MTMR14: variants seen among roughly 807,000 people sequenced by gnomAD.
The protein encoded by MTMR14 is phosphatidylinositol-3,5-bisphosphate 3-phosphatase MTMR14.
MTMR14 carries 48 observed loss-of-function variants against 86.3 expected under a neutral mutation model. The observed-to-expected ratio is 0.56, with a 90% CI of 0.44 to 0.71. MTMR14 has a LOEUF of 0.71. Among genes scored for constraint, MTMR14 ranks in the 30% least tolerant of loss-of-function variants. MTMR14 has a pLI of 0.00. For missense variants in MTMR14, 780 were observed against 834.6 expected (o/e 0.93, Z 0.81); for synonymous variants, 366 against 326.1 (o/e 1.12, Z -1.32).
chr3:9,664,547 C>A (rs2048141636), intron 3 of MTMR14, among the ~76,000 whole-genome samples: 1 of 152,008 alleles, frequency 6.6e-6, no homozygotes, highest in Non-Finnish European at 1.5e-5. Context: ...TACATGTATG[C>A]AATGGAGTAC....
intron 7 of MTMR14, among the ~76,000 whole-genome samples, chr3:9,673,265 A>G (rs916276487): frequency 2.6e-5 from 4 of 152,240 alleles, no homozygotes; most frequent in African/African-American, 4.8e-5. Context: ...AGAAGAACAC[A>G]TAATTGCTAT....
chr3:9,661,798 T>C (rs1469191896), intron 2 of MTMR14, among the ~76,000 whole-genome samples: 1 of 152,142 alleles, frequency 6.6e-6, no homozygotes, highest in Non-Finnish European at 1.5e-5. Context: ...ACTTTTTTTT[T>C]TTCCTGAAAA....
At chr3:9,656,919 G>GT (rs60620155) in intron 2 of MTMR14, among the ~76,000 whole-genome samples, 3,858 of 151,944 alleles carry the variant, frequency 0.025, 155 homozygotes, top group African/African-American at 0.086. Context: ...ATCAAGGTGG[G>GT]TTTTTTTGTT....
At chr3:9,680,792 G>C (rs968414099) in intron 9 of MTMR14, among the ~76,000 whole-genome samples, 9 of 152,222 alleles carry the variant, frequency 5.9e-5, no homozygotes, top group Non-Finnish European at 1.0e-4. Context: ...AGCTGAGATC[G>C]CGCCACTACA....
In MTMR14 at chr3:9,701,702, G is replaced by T. The variant is rs1176254729; in HGVS notation, c.1770-88G>T. ...CCTTGTACAGTCAGAAGAAGCACAA[G>T]GACAGGTGGTATGGAGGGAGGGAGG... On this transcript the variant is annotated intron_variant, in intron 18 of 18. Coordinates refer to ENST00000296003, the MANE Select transcript of MTMR14 (RefSeq NM_001077525.3). The surrounding 1 kb of genome is among the most constrained non-coding windows in gnomAD (Gnocchi z 4.2). The T allele has an allele frequency of 1.4e-5, 20 of 1,386,658 alleles. No homozygotes were observed. The South Asian group carries it at 2.3e-4, about 16-fold the overall frequency. 85.9% of individuals were successfully genotyped at this position (1,386,658 alleles called of 1,614,324 possible).
At chr3:9,653,985 C>G in intron 2 of MTMR14, 1 of 599,920 alleles carries the variant, frequency 1.7e-6, no homozygotes, top group Non-Finnish European at 3.0e-6. Context: ...ATTGCTGTTT[C>G]ACTTCCACCC....
chr3:9,697,667 A>G (rs1559621762), intron 17 of MTMR14, 44 bp from the exon 18 acceptor site: 1 of 1,603,244 alleles, frequency 6.2e-7, no homozygotes, highest in Admixed American at 1.7e-5. Context: ...TGTCAGGCAT[A>G]TGACTGACTG....
Position 9,698,310 on chromosome 3 carries a change from T to G in MTMR14, c.1769+444T>G, listed in dbSNP as rs935285328. On this transcript the variant is annotated intron_variant, in intron 18 of 18. Transcript: ENST00000296003. Reference sequence around the variant, plus strand: ...GGTTACTTGCTGTCTCTACCCGCCTTGTCTTCTGTTTTTGCCTCTGGGCAG... The same window carrying G: ...GGTTACTTGCTGTCTCTACCCGCCTGGTCTTCTGTTTTTGCCTCTGGGCAG... 2.6e-5 allele frequency among the ~76,000 whole-genome samples: 4 copies of G among 152,252 alleles called. No homozygotes were observed. The South Asian group carries it at 6.2e-4, about 24-fold the overall frequency.
At position 9,701,809 on chromosome 3, in the gene MTMR14, C is replaced by G. The variant is rs929541502; in HGVS notation, c.1789C>G (p.Arg597Gly). Residue 597 changes from arginine (R) to glycine (G), a missense_variant, in exon 19 of 19, where the codon CGA (arginine) becomes GGA (glycine). By Grantham distance (125) the Arg-to-Gly change is moderately radical. Transcript: ENST00000296003. The surrounding 1 kb of genome is among the most constrained non-coding windows in gnomAD (Gnocchi z 4.2). ...NSCLLAALSD[R>G]ETRLQEVRSA... is the part of the protein sequence containing the mutation. ...CCATAGGCTTGCAGCCCTGAGTGAT[C>G]GAGAGACTCGGCTGCAGGAGGTGCG... 2 of 1,613,838 alleles carry G rather than the reference C, an allele frequency of 1.2e-6. No homozygotes were observed. The highest frequency in any genetic ancestry group is 1.7e-5 in the Admixed American group (1 of 60,028).
chr3:9,662,242 C>T (rs773785538), intron 2 of MTMR14, 25 bp from the exon 3 acceptor site: 27 of 1,603,092 alleles, frequency 1.7e-5, no homozygotes, highest in Non-Finnish European at 2.3e-5. Context: ...GTCAGCTTGA[C>T]CTGCTTCTCT....
chr3:9,689,894 T>C, intron 16 of MTMR14, 70 bp from the exon 17 acceptor site: 1 of 1,474,318 alleles, frequency 6.8e-7, no homozygotes, highest in Middle Eastern at 2.4e-4. Flanking sequence ...GGCCTGAAAT[T>C]CAGTGAGGGT....
intron 3 of MTMR14, 65 bp from the exon 4 acceptor site, chr3:9,668,654 A>G (rs1183665475): frequency 3.2e-6 from 5 of 1,555,460 alleles, no homozygotes; most frequent in Admixed American, 1.7e-5. Flanking sequence ...GGAGTCCCAC[A>G]TGTTCCTTCA....
At position 9,649,561 on chromosome 3, in the gene MTMR14, C is replaced by T; in HGVS notation, c.-23C>T. 1 of 1,536,110 alleles carries T rather than the reference C, an allele frequency of 6.5e-7. No homozygotes were observed. The highest frequency in any genetic ancestry group is 8.8e-7 in the Non-Finnish European group (1 of 1,141,860). On this transcript the variant is annotated 5_prime_UTR_variant, in exon 1 of 19. Coordinates refer to ENST00000296003, the MANE Select transcript of MTMR14 (RefSeq NM_001077525.3). ...GTGCCATGGGCCCGCTTGAGGCACA[C>T]TGAGGGGACGCGGGGCTGGGCCATG...
rs2048069144 is a variant in MTMR14, at chr3:9,663,538, A to G, written c.417+1163A>G. ...TTTTTTTTTTTTTTTGAGGCAGCAG[A>G]CATCTTGCTCTGCTGCCCAGGCTGG... On this transcript the variant is annotated intron_variant, in intron 3 of 18. Transcript: ENST00000296003. Among the ~76,000 whole-genome samples the G allele has an allele frequency of 2.6e-5, 3 of 114,604 alleles. 1 individual carries two copies. The highest frequency in any genetic ancestry group is 2.4e-4 in the Admixed American group (2 of 8,216). 75.2% of individuals were successfully genotyped at this position (114,604 alleles called of 152,430 possible).
chr3:9,700,178 C>G (rs1214881201), intron 18 of MTMR14: 2 of 152,250 alleles, frequency 1.3e-5, no homozygotes, highest in African/African-American at 4.8e-5. Flanking sequence ...GCCCTGGGTA[C>G]AAGTCATTGA....
chr3:9,650,950 A>C (rs903155860), intron 1 of MTMR14, among the ~76,000 whole-genome samples: 1 of 151,872 alleles, frequency 6.6e-6, no homozygotes, highest in African/African-American at 2.4e-5. Flanking sequence ...CACCACGCCC[A>C]GCTAATTATT....
rs1386651846 is a variant in MTMR14 at position 9,663,493 on chromosome 3, GTC to G, written c.417+1126_417+1127del. On this transcript the variant is annotated intron_variant, in intron 3 of 18. Transcript: ENST00000296003. ...GCAACTTTTTTTTTTTTGAGATGGAGTCTCTCTCTTTTTTTTTTTTTTTTTTT... is the reference window on the plus strand; with the variant it reads ...GCAACTTTTTTTTTTTTGAGATGGAGTCTCTCTTTTTTTTTTTTTTTTTTT... Among the ~76,000 whole-genome samples, 11 of 125,794 alleles carry G rather than the reference GTC, an allele frequency of 8.7e-5. 1 individual carries two copies. The highest frequency in any genetic ancestry group is 5.1e-5 in the Non-Finnish European group (3 of 59,068). 82.5% of individuals were successfully genotyped at this position (125,794 alleles called of 152,430 possible). A position where few individuals can be genotyped will look rare whatever the true frequency, so the allele number is the denominator to read the frequency against.
chr3:9,683,088 C>A, intron 9 of MTMR14, 90 bp from the exon 10 acceptor site: 1 of 1,229,316 alleles, frequency 8.1e-7, no homozygotes. Flanking sequence ...GTAGTTGTTG[C>A]CCCAGAATAA....
At chr3:9,694,031 G>A (rs1446650090) in intron 17 of MTMR14, among the ~76,000 whole-genome samples, 1 of 152,220 alleles carries the variant, frequency 6.6e-6, no homozygotes, top group African/African-American at 2.4e-5. Flanking sequence ...CTCCCAGGAT[G>A]ACACGCTGCT....
Sources: allele counts gnomAD v4.1 joint callset (sites outside exome capture counted in the v4.1 genomes callset), GRCh38; gene constraint gnomAD v4.1.1; non-coding constraint Gnocchi (gnomAD v3.1); transcripts MANE v1.5; gene names NCBI Gene and HGNC (gene_info 2026-07-23, HGNC 2026-07-21).